The following FNDC3B variants were observed in gnomAD, a reference collection of about 807,000 sequenced individuals.
The protein encoded by FNDC3B is fibronectin type III domain-containing protein 3B.
A neutral mutation model predicts 151.5 loss-of-function variants in FNDC3B; 12 were observed. The ratio of observed to expected loss-of-function variants is 0.08; its 90% CI spans 0.05 to 0.13. The LOEUF (loss-of-function observed/expected upper bound fraction) is 0.13. Among genes scored for constraint, FNDC3B ranks in the 10% least tolerant of loss-of-function variants. The pLI, the probability that FNDC3B is intolerant of heterozygous loss-of-function variation, is 1.00. For synonymous variants in FNDC3B, 528 were observed against 549.0 expected (o/e 0.96, Z 0.54); for missense variants, 1,214 against 1,505.3 (o/e 0.81, Z 3.20).
At chr3:172,264,375 G>A (rs1728812132) in intron 6 of FNDC3B, among the ~76,000 whole-genome samples, 1 of 152,166 alleles carries the variant, frequency 6.6e-6, no homozygotes, top group Non-Finnish European at 1.5e-5. Flanking sequence ...GAGAGATACA[G>A]TAATCATCTA....
intron 3 of FNDC3B, among the ~76,000 whole-genome samples, chr3:172,150,944 G>T (rs1027951720): frequency 1.3e-5 from 2 of 151,798 alleles, no homozygotes; most frequent in South Asian, 4.2e-4. Context: ...AATCTACATA[G>T]GTTTTTTTTC....
At chr3:172,086,527 C>CA (rs1718553806) in intron 1 of FNDC3B, among the ~76,000 whole-genome samples, 1 of 152,170 alleles carries the variant, frequency 6.6e-6, no homozygotes, top group Non-Finnish European at 1.5e-5. Flanking sequence ...CCTTTAGACT[C>CA]ATGAATTGCC....
At chr3:172,374,133 G>A (rs1292371995) in intron 23 of FNDC3B, among the ~76,000 whole-genome samples, 1 of 152,190 alleles carries the variant, frequency 6.6e-6, no homozygotes, top group African/African-American at 2.4e-5. Context: ...GCCTGAGGGA[G>A]AGTAAACAGC....
intron 1 of FNDC3B, among the ~76,000 whole-genome samples, chr3:172,050,737 A>T (rs1576817884): frequency 7.7e-6 from 1 of 129,454 alleles, no homozygotes; most frequent in African/African-American, 3.0e-5. Context: ...GTGTGTGTAT[A>T]GTGTGTATAT....
chr3:172,297,575 C>T (rs917665540), intron 8 of FNDC3B, among the ~76,000 whole-genome samples: 9 of 151,916 alleles, frequency 5.9e-5, no homozygotes, highest in African/African-American at 7.3e-5. Context: ...CCTGGGTTCA[C>T]GCCATTCTCC....
At chr3:172,169,166 G>C (rs1453398619) in intron 3 of FNDC3B, among the ~76,000 whole-genome samples, 1 of 152,110 alleles carries the variant, frequency 6.6e-6, no homozygotes, top group Admixed American at 6.6e-5. Flanking sequence ...GCAAGCCCAC[G>C]TCAGCACTCG....
At chr3:172,087,788 G>A (rs1437005269) in intron 1 of FNDC3B, among the ~76,000 whole-genome samples, 1 of 152,158 alleles carries the variant, frequency 6.6e-6, no homozygotes, top group Non-Finnish European at 1.5e-5. Flanking sequence ...GTATTTGCCA[G>A]GGGCTATAAG....
At chr3:172,206,319 A>G (rs1725418616) in intron 3 of FNDC3B, among the ~76,000 whole-genome samples, 1 of 152,180 alleles carries the variant, frequency 6.6e-6, no homozygotes, top group Non-Finnish European at 1.5e-5. Flanking sequence ...TTTTGCGTGA[A>G]TAATGTTGTT....
At chr3:172,272,878 A>C (rs1576860675) in intron 6 of FNDC3B, among the ~76,000 whole-genome samples, 1 of 151,688 alleles carries the variant, frequency 6.6e-6, no homozygotes, top group Admixed American at 6.6e-5. Flanking sequence ...TGCAAGCTGA[A>C]GTTATTAAAG....
chr3:172,133,590 T>C (rs532649939), intron 3 of FNDC3B, 44 bp downstream of exon 3: 2 of 1,397,534 alleles, frequency 1.4e-6, no homozygotes, highest in South Asian at 1.2e-5. Context: ...GATTTTTTTC[T>C]TTATTTGAAG....
intron 3 of FNDC3B, among the ~76,000 whole-genome samples, chr3:172,161,102 T>C (rs1722741811): frequency 6.6e-6 from 1 of 152,226 alleles, no homozygotes; most frequent in South Asian, 2.1e-4. Context: ...TTCTTAGTTG[T>C]GTTCATTATT....
At chr3:172,041,084 AC>A (rs1221798639) in intron 1 of FNDC3B, among the ~76,000 whole-genome samples, 1 of 152,178 alleles carries the variant, frequency 6.6e-6, no homozygotes, top group Non-Finnish European at 1.5e-5. Flanking sequence ...TTTTATTTAA[AC>A]AAAATTTAGA....
intron 6 of FNDC3B, among the ~76,000 whole-genome samples, chr3:172,277,387 T>G (rs1250376061): frequency 6.6e-6 from 1 of 152,230 alleles, no homozygotes; most frequent in East Asian, 1.9e-4. Context: ...GATTTATAGA[T>G]GGCACGTTTG....
intron 2 of FNDC3B, among the ~76,000 whole-genome samples, chr3:172,113,393 A>G (rs922127931): frequency 6.6e-6 from 1 of 152,228 alleles, no homozygotes; most frequent in African/African-American, 2.4e-5. Context: ...ATGTCAGTAC[A>G]TGCCCCCTGC....
At chr3:172,343,727 G>C (rs1460895308) in intron 18 of FNDC3B, among the ~76,000 whole-genome samples, 1 of 152,126 alleles carries the variant, frequency 6.6e-6, no homozygotes, top group Non-Finnish European at 1.5e-5. Context: ...TTGGGGTCCT[G>C]TATTTTGATT....
At chr3:172,321,984 A>G in intron 11 of FNDC3B, among the ~76,000 whole-genome samples, 1 of 152,352 alleles carries the variant, frequency 6.6e-6, no homozygotes, top group Non-Finnish European at 1.5e-5. Flanking sequence ...AGTTTGCAGA[A>G]ATTCAGAGGG....
In FNDC3B at chr3:172,251,501, A is replaced by G. The variant is rs1334349997; in HGVS notation, c.750A>G (p.Arg250=). 3 of 1,613,982 alleles carry G rather than the reference A, an allele frequency of 1.9e-6. No individual in the cohort carries two copies. The highest frequency in any genetic ancestry group is 2.7e-5 in the African/African-American group (2 of 75,062). ...CCGGAATTAAGAAAACAGAGCGACG[A>G]GCAAGAAGCAGCCCAAAGTCGAATG... ...SGPGIKKTER[R]ARSSPKSNDS... Residue 250 remains arginine (R), a synonymous_variant, in exon 6 of 26, where the codon CGA becomes CGG. Transcript: ENST00000415807.
At chr3:172,323,516 C>T (rs1732191417) in intron 11 of FNDC3B, among the ~76,000 whole-genome samples, 2 of 152,260 alleles carry the variant, frequency 1.3e-5, no homozygotes, top group Non-Finnish European at 2.9e-5. Flanking sequence ...GACACCTTGT[C>T]TCTCACACAC....
Position 172,050,700 on chromosome 3 carries a change from C to CGTGTGTGT in FNDC3B, c.-29+10956_-29+10963dup, listed in dbSNP as rs71975191. On this transcript the variant is annotated intron_variant, in intron 1 of 25. Transcript: ENST00000415807. ...CGCCCAGCCTTTGTGGGTATATTTT[C>CGTGTGTGT]GTGTGTGTGTGTGTGTGTGTGTGTG... is the stretch of plus-strand genomic sequence containing the variant. Among the ~76,000 whole-genome samples the CGTGTGTGT allele has an allele frequency of 7.2e-4, 104 of 145,066 alleles. 1 individual carries two copies. Among genetic ancestry groups the CGTGTGTGT allele is most frequent in the African/African-American group, 2.6e-3 (99 of 38,648 alleles).
Sources: allele counts gnomAD v4.1 joint callset (sites outside exome capture counted in the v4.1 genomes callset), GRCh38; gene constraint gnomAD v4.1.1; transcripts MANE v1.5; gene names NCBI Gene and HGNC (gene_info 2026-07-23, HGNC 2026-07-21).